The following BCAR1 variants were observed in gnomAD, a reference collection of about 807,000 sequenced individuals.
The protein encoded by BCAR1 is BCAR1 scaffold protein, Cas family member.
In BCAR1, 30 loss-of-function variants were observed where a neutral mutation model predicts 67.6. That is an observed-to-expected ratio of 0.44 (90% CI 0.33 to 0.60). The LOEUF (loss-of-function observed/expected upper bound fraction) is 0.60, where lower values mean the gene tolerates loss of function less well. Ranked by LOEUF, BCAR1 falls within the 20% of genes least tolerant of loss-of-function variation. BCAR1 has a pLI of 0.02. For synonymous variants in BCAR1, 626 were observed against 556.7 expected (o/e 1.12, Z -1.75); for missense variants, 1,313 against 1,222.3 (o/e 1.07, Z -1.11).
chr16:75,231,291 G>A (rs1159547671), intron 6 of BCAR1, among the ~76,000 whole-genome samples: 2 of 151,966 alleles, frequency 1.3e-5, no homozygotes, highest in Non-Finnish European at 1.5e-5. Flanking sequence ...CACCATGTTG[G>A]CCAAGCTGGT....
intron 1 of BCAR1, chr16:75,263,977 G>C: frequency 3.4e-6 from 4 of 1,169,584 alleles, no homozygotes; most frequent in South Asian, 4.3e-5. Flanking sequence ...AGCCACGTAG[G>C]GGGCAGATGG....
intron 1 of BCAR1, chr16:75,264,645 C>A: frequency 1.6e-6 from 2 of 1,261,464 alleles, no homozygotes; most frequent in Non-Finnish European, 2.0e-6. Flanking sequence ...GGAGCGGGCT[C>A]TTTAATTCCA....
chr16:75,262,154 C>G (rs907575779), intron 1 of BCAR1, among the ~76,000 whole-genome samples: 1 of 152,174 alleles, frequency 6.6e-6, no homozygotes, highest in African/African-American at 2.4e-5. Context: ...TCTCCAGGAA[C>G]CCCTTTCAGC....
chr16:75,263,566 G>A (rs935919776), intron 1 of BCAR1: 1 of 985,326 alleles, frequency 1.0e-6, no homozygotes. Context: ...GACACCAGCT[G>A]ATCCCCGGCA....
upstream of BCAR1, chr16:75,252,247 T>G (rs186279599): frequency 3.7e-4 from 576 of 1,536,710 alleles, 6 homozygotes; most frequent in South Asian, 3.6e-3. Context: ...TCCCCTGCAT[T>G]GTGCCGACAT....
At chr16:75,252,118 T>C (rs115939660), upstream of BCAR1, 844 of 1,393,578 alleles carry the variant, frequency 6.1e-4, 2 homozygotes, top group African/African-American at 0.011. Flanking sequence ...AGACGAATCA[T>C]CACCACCACA....
At chr16:75,236,075 CACGT>C (rs1597189415) in intron 4 of BCAR1, 89 bp from the exon 5 acceptor site, 9 of 1,453,208 alleles carry the variant, frequency 6.2e-6, no homozygotes, top group East Asian at 2.5e-5. Flanking sequence ...CACACACACA[CACGT>C]ACACACATAC....
At chr16:75,230,056 G>A (rs1187325141) in intron 6 of BCAR1, 33 bp from the exon 7 acceptor site, 12 of 1,515,694 alleles carry the variant, frequency 7.9e-6, no homozygotes, top group African/African-American at 1.4e-5. Context: ...GCAGGGTTAG[G>A]CTCTCGGGTG....
At chr16:75,245,747 G>A (rs1227300177) in intron 1 of BCAR1, among the ~76,000 whole-genome samples, 3 of 152,084 alleles carry the variant, frequency 2.0e-5, no homozygotes, top group African/African-American at 7.2e-5. Context: ...AGCTCTGGAC[G>A]CTGCTGGTAC....
intron 1 of BCAR1, among the ~76,000 whole-genome samples, chr16:75,265,592 A>G (rs1048030518): frequency 7.2e-5 from 11 of 151,820 alleles, no homozygotes; most frequent in African/African-American, 2.2e-4. Context: ...AGGGGACAGT[A>G]CGGACCCCAG....
At chr16:75,238,828 C>T (rs2077234363) in intron 2 of BCAR1, 6 of 985,426 alleles carry the variant, frequency 6.1e-6, no homozygotes, top group East Asian at 1.1e-4. Context: ...GGCGGAGGGA[C>T]GTGGCAGGTT....
At position 75,248,549 on chromosome 16, in the gene BCAR1, C is replaced by G. The variant is rs559794126; in HGVS notation, c.12+2922G>C. On this transcript the variant is annotated intron_variant, in intron 1 of 6. Coordinates refer to ENST00000162330, the MANE Select transcript of BCAR1 (RefSeq NM_014567.5). ...GCACCTCCTCTTCCCTCCCCCATGT[C>G]CCCATCCTGGGTGGAACTCCAGGAC... 3.3e-4 allele frequency: 66 copies of G among 197,580 alleles called. 1 individual carries two copies. The highest frequency in any genetic ancestry group is 2.3e-3 in the Middle Eastern group (1 of 442). The allele number at this position is 197,580 out of a possible 1,614,324, so 12.2% of individuals were successfully genotyped here.
Position 75,235,965 on chromosome 16 carries a change from C to T in BCAR1, c.934G>A (p.Val312Met). 2 of 1,575,448 alleles carry T rather than the reference C, an allele frequency of 1.3e-6. No homozygotes were observed. Reference protein sequence around the residue: ...HHAVYDVPPSVSKDVPDGPLL... With the variant: ...HHAVYDVPPSMSKDVPDGPLL... ...GGGCCATCGGGCACATCCTTGCTCA[C>T]CGATGGAGGAACGTCGTAGACCTGG... is the stretch of plus-strand genomic sequence containing the variant. Residue 312 changes from valine to methionine, a missense_variant, in exon 5 of 7, where the codon GTG (valine) becomes ATG (methionine). Coordinates refer to ENST00000162330, the MANE Select transcript of BCAR1 (RefSeq NM_014567.5).
intron 6 of BCAR1, among the ~76,000 whole-genome samples, chr16:75,232,200 G>A (rs533369162): frequency 2.6e-5 from 4 of 151,256 alleles, no homozygotes; most frequent in Non-Finnish European, 4.4e-5. Flanking sequence ...TCACCCTGTC[G>A]CCCAGGCTGG....
rs911834838 is a variant in BCAR1, at chr16:75,240,884, G to A, written c.633+1586C>T. ...GCAATTGAGAGCAGGCCCCCTGCCG[G>A]AGACGGAGACAGAACAGCTGCCAAA... On this transcript the variant is annotated intron_variant, in intron 2 of 6. Coordinates refer to ENST00000162330, the MANE Select transcript of BCAR1 (RefSeq NM_014567.5). Among the ~76,000 whole-genome samples the A allele has an allele frequency of 4.6e-5, 7 of 152,392 alleles. No individual in the cohort carries two copies. In the East Asian group the frequency reaches 5.8e-4, roughly 13 times the overall value.
intron 1 of BCAR1, chr16:75,265,686 TC>T (rs1228979009): frequency 1.8e-5 from 18 of 995,772 alleles, no homozygotes; most frequent in Non-Finnish European, 2.3e-5. Flanking sequence ...CGGTGCGCTC[TC>T]CCCCGGGGCC....
chr16:75,237,533 C>A, intron 2 of BCAR1, 189 bp from the exon 3 acceptor site: 1 of 648,202 alleles, frequency 1.5e-6, no homozygotes, highest in Non-Finnish European at 2.3e-6. Context: ...AACGCAGTGC[C>A]AGGTACGGCA....
In BCAR1 at chr16:75,235,060, C is replaced by A. The variant is rs376744472; in HGVS notation, c.1839G>T (p.Pro613=). 56 of 1,613,104 alleles carry A rather than the reference C, an allele frequency of 3.5e-5. 2 individuals carry two copies. The South Asian group carries it at 6.0e-4, about 17-fold the overall frequency. Residue 613 remains proline, a synonymous_variant, in exon 5 of 7, where the codon CCG becomes CCT. Coordinates refer to ENST00000162330, the MANE Select transcript of BCAR1 (RefSeq NM_014567.5). ...LLFRRTKATA[P]GPEGGGTLHP... is the part of the protein sequence containing the mutation. ...GCAGGGTGCCACCCCCCTCAGGCCC[C>A]GGGGCAGTGGCCTTGGTCCGTCTGA... is the stretch of plus-strand genomic sequence containing the variant.
intron 1 of BCAR1, chr16:75,265,926 G>A (rs1241083824): frequency 7.3e-6 from 8 of 1,102,072 alleles, no homozygotes; most frequent in Middle Eastern, 7.9e-4. Context: ...CCCCGCGAGG[G>A]GTCCCGGCGC....
Sources: allele counts gnomAD v4.1 joint callset (sites outside exome capture counted in the v4.1 genomes callset), GRCh38; gene constraint gnomAD v4.1.1; transcripts MANE v1.5; gene names NCBI Gene and HGNC (gene_info 2026-07-23, HGNC 2026-07-21).